AGBL1: variants seen among roughly 807,000 people sequenced by gnomAD.
The protein encoded by AGBL1 is cytosolic carboxypeptidase 4.
A neutral mutation model predicts 118.9 loss-of-function variants in AGBL1; 130 were observed. That is an observed-to-expected ratio of 1.09 (90% confidence interval 0.95 to 1.26). The LOEUF (loss-of-function observed/expected upper bound fraction) is 1.26. Among genes scored for constraint, AGBL1 ranks in the 50% most tolerant of loss-of-function variants. The pLI, the probability that AGBL1 is intolerant of heterozygous loss-of-function variation, is 0.00. For missense variants in AGBL1, 1,584 were observed against 1,298.1 expected (o/e 1.22, Z -3.38); for synonymous variants, 555 against 478.9 (o/e 1.16, Z -2.08).
At chr15:86,685,942 C>T (rs554917339) in intron 22 of AGBL1, among the ~76,000 whole-genome samples, 17 of 152,224 alleles carry the variant, frequency 1.1e-4, no homozygotes, top group East Asian at 7.7e-4. Flanking sequence ...GTACAAAGAT[C>T]GTAACATCCT....
intron 18 of AGBL1, among the ~76,000 whole-genome samples, chr15:86,452,258 G>A (rs932382365): frequency 6.6e-6 from 1 of 152,162 alleles, no homozygotes; most frequent in Non-Finnish European, 1.5e-5. Context: ...CCACATGTTT[G>A]TCCCTTAGTA....
chr15:86,877,626 C>T (rs1363732033), intron 22 of AGBL1, among the ~76,000 whole-genome samples: 1 of 152,146 alleles, frequency 6.6e-6, no homozygotes, highest in Non-Finnish European at 1.5e-5. Context: ...TAGAACTTTG[C>T]CATCCACTGT....
intron 22 of AGBL1, among the ~76,000 whole-genome samples, chr15:86,680,038 C>G (rs568774051): frequency 6.6e-6 from 1 of 152,104 alleles, no homozygotes; most frequent in Non-Finnish European, 1.5e-5. Flanking sequence ...AGGTAGGATA[C>G]ATCTGCACCT....
intron 17 of AGBL1, among the ~76,000 whole-genome samples, chr15:86,338,495 C>G (rs1014870171): frequency 6.8e-6 from 1 of 147,176 alleles, no homozygotes; most frequent in Non-Finnish European, 1.5e-5. Context: ...AAAGGAATTA[C>G]TCTGGCTGTT....
chr15:86,905,772 A>C (rs896564633), intron 22 of AGBL1, among the ~76,000 whole-genome samples: 2 of 152,196 alleles, frequency 1.3e-5, no homozygotes, highest in African/African-American at 4.8e-5. Flanking sequence ...GAGGTGAGGC[A>C]CAGGCTCCCA....
At chr15:86,633,760 A>T (rs979712995) in intron 21 of AGBL1, among the ~76,000 whole-genome samples, 3 of 148,276 alleles carry the variant, frequency 2.0e-5, no homozygotes, top group African/African-American at 7.4e-5. Context: ...AGTAATATGT[A>T]TAAATACAAT....
chr15:86,907,558 T>G lies in AGBL1; in HGVS notation c.*264T>G, dbSNP rs1812361565. 6.6e-6 allele frequency: 1 copy of G among 152,192 alleles called. No homozygotes were observed. The highest frequency in any genetic ancestry group is 6.5e-5 in the Admixed American group (1 of 15,280). 9.4% of individuals were successfully genotyped at this position (152,192 alleles called of 1,614,324 possible). A position where few individuals can be genotyped will look rare whatever the true frequency, so the allele number is the denominator to read the frequency against. Reference sequence around the variant, plus strand: ...TGTACTTAGAATGGGACCCAATGGGTAGCCTCAAGATTACCATGGATCCTT... The same window carrying G: ...TGTACTTAGAATGGGACCCAATGGGGAGCCTCAAGATTACCATGGATCCTT... On this transcript the variant is annotated 3_prime_UTR_variant, in exon 23 of 23. Transcript: ENST00000614907.
chr15:86,574,570 AT>A (rs776642678), intron 21 of AGBL1, among the ~76,000 whole-genome samples: 3,793 of 83,890 alleles, frequency 0.045, 47 homozygotes, highest in African/African-American at 0.086. Context: ...AAAAGTTTTA[AT>A]TTTTTTTTTT....
intron 22 of AGBL1, among the ~76,000 whole-genome samples, chr15:86,698,938 G>T (rs530597305): frequency 2.6e-5 from 4 of 151,880 alleles, no homozygotes; most frequent in Non-Finnish European, 5.9e-5. Context: ...ACTTCTTGTG[G>T]ATTCCTCTTA....
intron 17 of AGBL1, among the ~76,000 whole-genome samples, chr15:86,375,802 G>T (rs779109786): frequency 6.6e-6 from 1 of 152,194 alleles, no homozygotes; most frequent in Non-Finnish European, 1.5e-5. Flanking sequence ...TTGGCAAAGG[G>T]TAGAAGACCA....
intron 17 of AGBL1, among the ~76,000 whole-genome samples, chr15:86,321,358 AT>A (rs1325066178): frequency 2.0e-5 from 3 of 152,082 alleles, no homozygotes; most frequent in Non-Finnish European, 4.4e-5. Context: ...TAATGTTTCT[AT>A]TTAATCTGAC....
intron 18 of AGBL1, among the ~76,000 whole-genome samples, chr15:86,473,041 A>G (rs2082501016): frequency 6.6e-6 from 1 of 152,256 alleles, no homozygotes; most frequent in Non-Finnish European, 1.5e-5. Context: ...CTACAATAGT[A>G]TATATTACTT....
At chr15:86,936,312 A>G (rs1401969067) in intron 23 of AGBL1, among the ~76,000 whole-genome samples, 2 of 152,292 alleles carry the variant, frequency 1.3e-5, no homozygotes, top group East Asian at 3.9e-4. Context: ...AACAAGAAAA[A>G]AAACAAAAGT....
rs549134305 is a variant in AGBL1 at position 86,461,616 on chromosome 15, C to T, written c.2556-61194C>T. ...ACAATTTTAAAAATATATATAAGTG[C>T]CATGTAATTTTCAAACTATTATTTA... On this transcript the variant is annotated intron_variant, in intron 18 of 22. Transcript: ENST00000614907. 2.0e-5 allele frequency among the ~76,000 whole-genome samples: 3 copies of T among 152,146 alleles called. No homozygotes were observed. The South Asian group carries it at 6.2e-4, about 32-fold the overall frequency.
chr15:86,562,128 TAATGG>T (rs1239988675), intron 21 of AGBL1, among the ~76,000 whole-genome samples: 1 of 152,224 alleles, frequency 6.6e-6, no homozygotes, highest in African/African-American at 2.4e-5. Flanking sequence ...CCTTTTTTCC[TAATGG>T]AATACCCTTT....
intron 5 of AGBL1, among the ~76,000 whole-genome samples, chr15:86,210,262 T>C (rs1468349099): frequency 1.3e-5 from 2 of 152,198 alleles, no homozygotes; most frequent in Non-Finnish European, 2.9e-5. Context: ...TTCCTTCATT[T>C]TAACCTTGGC....
At chr15:86,239,731 G>C (rs1449003426) in intron 6 of AGBL1, among the ~76,000 whole-genome samples, 1 of 152,182 alleles carries the variant, frequency 6.6e-6, no homozygotes, top group African/African-American at 2.4e-5. Context: ...AGTTGGAGGA[G>C]GGGGATTGGC....
chr15:86,221,685 GATTTCAGATGTTTATTCTTATACAGA>G, intron 5 of AGBL1, among the ~76,000 whole-genome samples: 1 of 152,074 alleles, frequency 6.6e-6, no homozygotes, highest in African/African-American at 2.4e-5. Context: ...CTCATTAGTT[GATTTCAGATGTTTATTCTTATACAGA>G]TCTTATGTGG....
intron 22 of AGBL1, among the ~76,000 whole-genome samples, chr15:86,750,263 T>C (rs574354907): frequency 1.3e-5 from 2 of 152,174 alleles, no homozygotes; most frequent in South Asian, 4.1e-4. Context: ...TTTTAATTAT[T>C]AAGTATAAGA....
Sources: allele counts gnomAD v4.1 joint callset (sites outside exome capture counted in the v4.1 genomes callset), GRCh38; gene constraint gnomAD v4.1.1; transcripts MANE v1.5; gene names NCBI Gene and HGNC (gene_info 2026-07-23, HGNC 2026-07-21).